The following TASP1 variants were observed in gnomAD, a reference collection of about 807,000 sequenced individuals.
TASP1 encodes the protein threonine aspartase 1.
A neutral mutation model predicts 56.6 loss-of-function variants in TASP1; 16 were observed. The observed-to-expected ratio is 0.28, with a 90% CI of 0.19 to 0.43. TASP1 has a LOEUF of 0.43. Among genes scored for constraint, TASP1 ranks in the 20% least tolerant of loss-of-function variants. TASP1 has a pLI of 1.00. For missense variants in TASP1, 393 were observed against 511.6 expected, an observed-to-expected ratio of 0.77 and a Z score of 2.24; for synonymous variants, 179 against 184.2, an observed-to-expected ratio of 0.97 and a Z score of 0.23.
chr20:13,357,402 T>G, the TASP1 span, among the ~76,000 whole-genome samples: 1 of 152,214 alleles, frequency 6.6e-6, no homozygotes, highest in South Asian at 2.1e-4. Context: ...TTGTTGCTTT[T>G]GGCTACTTGT....
At chr20:13,181,213 G>A in the TASP1 span, among the ~76,000 whole-genome samples, 1 of 152,188 alleles carries the variant, frequency 6.6e-6, no homozygotes, top group South Asian at 2.1e-4. Flanking sequence ...TTGCCACCAG[G>A]GGTGATAATC....
chr20:13,214,550 C>A, the TASP1 span, among the ~76,000 whole-genome samples: 1 of 114,606 alleles, frequency 8.7e-6, no homozygotes, highest in Non-Finnish European at 1.9e-5. Context: ...CACACACACA[C>A]ACACACACAC....
At chr20:13,514,760 A>G (rs1392973656) in intron 10 of TASP1, among the ~76,000 whole-genome samples, 1 of 152,174 alleles carries the variant, frequency 6.6e-6, no homozygotes. Flanking sequence ...AGAAAAACAC[A>G]ACATACAAAT....
chr20:13,195,148 AT>A, the TASP1 span, among the ~76,000 whole-genome samples: 16 of 152,234 alleles, frequency 1.1e-4, no homozygotes, highest in African/African-American at 3.4e-4. Context: ...ATTACTTTTA[AT>A]GGCAAAAACC....
the TASP1 span, among the ~76,000 whole-genome samples, chr20:13,175,856 G>T: frequency 5.0e-4 from 76 of 152,258 alleles, no homozygotes; most frequent in African/African-American, 1.8e-3. Context: ...TGCACTATGA[G>T]AAACAGTAGT....
At chr20:13,519,522 A>G (rs981097038) in intron 10 of TASP1, among the ~76,000 whole-genome samples, 3 of 152,198 alleles carry the variant, frequency 2.0e-5, no homozygotes, top group Admixed American at 6.5e-5. Context: ...GACAAAAACC[A>G]TATGATTATC....
At chr20:13,420,095 A>C (rs1243186841) in intron 12 of TASP1, among the ~76,000 whole-genome samples, 2 of 152,190 alleles carry the variant, frequency 1.3e-5, no homozygotes, top group Non-Finnish European at 2.9e-5. Context: ...CCCGAATATT[A>C]AGGGGGCAAC....
intron 8 of TASP1, among the ~76,000 whole-genome samples, chr20:13,547,487 G>T (rs1245798872): frequency 6.6e-6 from 1 of 152,146 alleles, no homozygotes; most frequent in Non-Finnish European, 1.5e-5. Context: ...GAGAAAAAAA[G>T]GTAATTCCAG....
chr20:13,526,642 G>A (rs779137838), intron 10 of TASP1, among the ~76,000 whole-genome samples: 2 of 152,098 alleles, frequency 1.3e-5, no homozygotes, highest in Non-Finnish European at 2.9e-5. Context: ...CTCCTGATAG[G>A]CCAATGGCTC....
the TASP1 span, among the ~76,000 whole-genome samples, chr20:13,294,455 T>C: frequency 2.6e-5 from 4 of 152,162 alleles, no homozygotes; most frequent in Non-Finnish European, 4.4e-5. Flanking sequence ...AGACAGAAAG[T>C]TTCTCAGGAC....
At chr20:13,418,647 T>A (rs1406378793) in intron 12 of TASP1, among the ~76,000 whole-genome samples, 1 of 152,206 alleles carries the variant, frequency 6.6e-6, no homozygotes, top group Non-Finnish European at 1.5e-5. Flanking sequence ...CTTCAAAGTA[T>A]CTCTCCAAAA....
At chr20:13,584,846 A>G (rs907623359) in intron 5 of TASP1, among the ~76,000 whole-genome samples, 1 of 152,264 alleles carries the variant, frequency 6.6e-6, no homozygotes, top group African/African-American at 2.4e-5. Flanking sequence ...AAAAACGCAC[A>G]TGAAAAATAA....
At chr20:13,221,340 T>C in the TASP1 span, among the ~76,000 whole-genome samples, 2 of 141,560 alleles carry the variant, frequency 1.4e-5, no homozygotes, top group African/African-American at 2.5e-5. Context: ...CGGCCACATC[T>C]GGGGCGCCCA....
chr20:13,306,029 C>T, the TASP1 span, among the ~76,000 whole-genome samples: 1 of 152,078 alleles, frequency 6.6e-6, no homozygotes, highest in Non-Finnish European at 1.5e-5. Context: ...TCTATCTGTT[C>T]TGGGAGTAAT....
At chr20:13,443,149 C>A (rs2043283360) in intron 11 of TASP1, among the ~76,000 whole-genome samples, 1 of 152,170 alleles carries the variant, frequency 6.6e-6, no homozygotes, top group South Asian at 2.1e-4. Flanking sequence ...GGAACAAGAT[C>A]TATTACTATA....
chr20:13,232,009 T>C, the TASP1 span, among the ~76,000 whole-genome samples: 1 of 152,182 alleles, frequency 6.6e-6, no homozygotes, highest in Non-Finnish European at 1.5e-5. Flanking sequence ...TGCCCCAGTG[T>C]TAACTTCCTC....
intron 4 of TASP1, chr20:13,600,501 AC>A (rs1386098720): frequency 6.6e-6 from 1 of 152,182 alleles, no homozygotes; most frequent in Non-Finnish European, 1.5e-5. Flanking sequence ...TTTTCAAGAA[AC>A]TGTACTAGAA....
the TASP1 span, among the ~76,000 whole-genome samples, chr20:13,158,002 A>G: frequency 2.0e-5 from 3 of 152,294 alleles, no homozygotes; most frequent in Non-Finnish European, 4.4e-5. Flanking sequence ...TTATAACTCT[A>G]CCACTGGAAT....
intron 4 of TASP1, among the ~76,000 whole-genome samples, chr20:13,589,702 G>A (rs1052113339): frequency 6.6e-6 from 1 of 152,072 alleles, no homozygotes; most frequent in African/African-American, 2.4e-5. Flanking sequence ...TTCAAGCCAT[G>A]TATCTAATAA....
Sources: allele counts gnomAD v4.1 joint callset (sites outside exome capture counted in the v4.1 genomes callset), GRCh38; gene constraint gnomAD v4.1.1; transcripts MANE v1.5; gene names NCBI Gene and HGNC (gene_info 2026-07-23, HGNC 2026-07-21).